The following PM20D2 variants were observed in gnomAD, a reference collection of about 807,000 sequenced individuals.
The protein encoded by PM20D2 is xaa-Arg dipeptidase.
Under a neutral mutation model 42.9 loss-of-function variants are expected in PM20D2, and 33 were observed. The observed-to-expected ratio is 0.77, with a 90% confidence interval of 0.58 to 1.03. PM20D2 has a LOEUF of 1.03. Ranked by LOEUF, PM20D2 falls within the 50% of genes least tolerant of loss-of-function variation. The pLI is 0.00. For synonymous variants in PM20D2, 250 were observed against 228.2 expected, an observed-to-expected ratio of 1.10 and a Z score of -0.86; for missense variants, 548 against 557.0, an observed-to-expected ratio of 0.98 and a Z score of 0.16.
At chr6:89,137,480 A>T in the PM20D2 span, among the ~76,000 whole-genome samples, 1 of 152,236 alleles carries the variant, frequency 6.6e-6, no homozygotes, top group African/African-American at 2.4e-5. Flanking sequence ...ACTACAGTGG[A>T]TGATCCTATC....
At chr6:89,147,094 G>A (rs1770607294) in intron 1 of PM20D2, among the ~76,000 whole-genome samples, 1 of 152,156 alleles carries the variant, frequency 6.6e-6, no homozygotes, top group African/African-American at 2.4e-5. Context: ...TTGGTATTTG[G>A]ATAGGAATTT....
chr6:89,152,058 G>C (rs1770865496), intron 2 of PM20D2, among the ~76,000 whole-genome samples: 1 of 151,798 alleles, frequency 6.6e-6, no homozygotes, highest in South Asian at 2.1e-4. Flanking sequence ...TCACGCCACT[G>C]CACTCCAGCC....
Position 89,158,427 on chromosome 6 carries a change from A to G in PM20D2, c.1015A>G (p.Ile339Val). ...ENGRKLGIEF[I>V]SEDTMLNGPS... ...TGGAAGAAAGCTAGGAATAGAGTTCATTTCAGAAGATACAATGTTGAATGG... is the reference window on the plus strand; with the variant it reads ...TGGAAGAAAGCTAGGAATAGAGTTCGTTTCAGAAGATACAATGTTGAATGG... Residue 339 changes from isoleucine (I) to valine (V), a missense_variant, in exon 5 of 7, where the codon ATT (isoleucine) becomes GTT (valine). Around this residue, in one of 3 missense-constraint regions of PM20D2, gnomAD observed 470 missense variants for 464.4 expected, o/e 1.01. Transcript: ENST00000275072. The G allele has an allele frequency of 6.2e-7, 1 of 1,611,628 alleles. No homozygotes were observed. The highest frequency in any genetic ancestry group is 1.3e-5 in the African/African-American group (1 of 74,832).
upstream of PM20D2, among the ~76,000 whole-genome samples, chr6:89,141,814 T>G (rs1770315505): frequency 6.6e-6 from 1 of 152,060 alleles, no homozygotes; most frequent in Non-Finnish European, 1.5e-5. Context: ...CAAGTTTTAT[T>G]TTACTTTGAG....
chr6:89,146,654 C>T, intron 1 of PM20D2, 45 bp downstream of exon 1: 1 of 1,335,592 alleles, frequency 7.5e-7, no homozygotes, highest in Non-Finnish European at 9.6e-7. Flanking sequence ...CTGCCCGGGT[C>T]GGGGGCGACC....
At chr6:89,132,663 T>TG in the PM20D2 span, among the ~76,000 whole-genome samples, 1 of 150,520 alleles carries the variant, frequency 6.6e-6, no homozygotes, top group Non-Finnish European at 1.5e-5. Flanking sequence ...CTGGCCAACA[T>TG]GGTGAAACCC....
Position 89,146,370 on chromosome 6 carries a change from G to T in PM20D2, c.226G>T (p.Ala76Ser). The change falls in exon 1 of 7, where the codon GCA (alanine) becomes TCA (serine). Residue 76 changes from alanine to serine, a missense_variant. Physicochemically the swap from Ala to Ser is moderately conservative, Grantham distance 99. Coordinates refer to ENST00000275072, the MANE Select transcript of PM20D2 (RefSeq NM_001010853.3). ...FEREPPAASW[A>S]VQPHYQLPTA... ...GCGGGAGCCGCCCGCGGCCTCCTGGGCAGTGCAGCCGCACTACCAGCTGCC... is the reference window on the plus strand; with the variant it reads ...GCGGGAGCCGCCCGCGGCCTCCTGGTCAGTGCAGCCGCACTACCAGCTGCC... 1 of 1,542,896 alleles carries T rather than the reference G, an allele frequency of 6.5e-7. No individual in the cohort carries two copies. Among genetic ancestry groups the T allele is most frequent in the Non-Finnish European group, 8.7e-7 (1 of 1,152,416 alleles).
At chr6:89,105,618 G>A in the PM20D2 span, 2 of 936,950 alleles carry the variant, frequency 2.1e-6, no homozygotes, top group East Asian at 2.8e-5. Context: ...GAAATTAATA[G>A]GAAAATCAAG....
chr6:89,099,431 TATATATATACAC>T, the PM20D2 span, among the ~76,000 whole-genome samples: 2 of 135,256 alleles, frequency 1.5e-5, no homozygotes, highest in African/African-American at 5.4e-5. Flanking sequence ...TATATGTGTG[TATATATATACAC>T]ATATATATGT....
At position 89,146,547 on chromosome 6, in the gene PM20D2, G is replaced by C. The variant is rs1339195375; in HGVS notation, c.403G>C (p.Ala135Pro). The C allele has an allele frequency of 6.7e-7, 1 of 1,499,154 alleles. No individual in the cohort carries two copies. Among genetic ancestry groups the C allele is most frequent in the African/African-American group, 1.5e-5 (1 of 68,764 alleles). 92.9% of individuals were successfully genotyped at this position (1,499,154 alleles called of 1,614,324 possible). A position where few individuals can be genotyped will look rare whatever the true frequency, so the allele number is the denominator to read the frequency against. The change falls in exon 1 of 7, where the codon GCG (alanine) becomes CCG (proline). Residue 135 changes from alanine (A) to proline (P), a missense_variant. Transcript: ENST00000275072. ...CAACCTCATCGCTGAGGTCGGGGCG[G>C]CGGCCGCGCTGGGCGTGAGGGGGGC... Reference protein sequence around the residue: ...GHNLIAEVGAAAALGVRGALE... With the variant: ...GHNLIAEVGAPAALGVRGALE...
Position 89,158,472 on chromosome 6 carries a change from T to G in PM20D2, c.1048+12T>G. ...GAATGGCCCTTCAGGTAATTAAGTGTTTTTTTATATATTGAGCTATTTGAG... is the reference window on the plus strand; with the variant it reads ...GAATGGCCCTTCAGGTAATTAAGTGGTTTTTTATATATTGAGCTATTTGAG... On this transcript the variant is annotated intron_variant, in intron 5 of 6. Coordinates refer to ENST00000275072, the MANE Select transcript of PM20D2 (RefSeq NM_001010853.3). The G allele has an allele frequency of 6.6e-7, 1 of 1,514,902 alleles. No homozygotes were observed. The highest frequency in any genetic ancestry group is 2.3e-5 in the African/African-American group (1 of 42,680). 93.8% of individuals were successfully genotyped at this position (1,514,902 alleles called of 1,614,324 possible). A position where few individuals can be genotyped will look rare whatever the true frequency, so the allele number is the denominator to read the frequency against.
chr6:89,120,636 G>A, the PM20D2 span, among the ~76,000 whole-genome samples: 1 of 151,978 alleles, frequency 6.6e-6, no homozygotes. Flanking sequence ...GGCCAAGTTG[G>A]GAAGATTGCT....
chr6:89,163,328 C>T lies in PM20D2; in HGVS notation c.*1065C>T, dbSNP rs193119174. 2.6e-5 allele frequency: 4 copies of T among 152,172 alleles called. No individual in the cohort carries two copies. The highest frequency in any genetic ancestry group is 9.6e-5 in the African/African-American group (4 of 41,514). The allele number at this position is 152,172 out of a possible 1,614,324, so 9.4% of individuals were successfully genotyped here. A position where few individuals can be genotyped will look rare whatever the true frequency, so the allele number is the denominator to read the frequency against. On this transcript the variant is annotated 3_prime_UTR_variant, in exon 7 of 7. Transcript: ENST00000275072. ...TTTGCTTCAGGTACACATAAGAAAA[C>T]CTCTTTTTTAAAAAAATTTTTATTT...
the PM20D2 span, among the ~76,000 whole-genome samples, chr6:89,111,327 C>T: frequency 6.6e-6 from 1 of 152,122 alleles, no homozygotes; most frequent in Admixed American, 6.5e-5. Flanking sequence ...TAAAATTCCT[C>T]TTGAAAATAT....
At chr6:89,134,726 C>T in the PM20D2 span, among the ~76,000 whole-genome samples, 1 of 151,132 alleles carries the variant, frequency 6.6e-6, no homozygotes, top group Non-Finnish European at 1.5e-5. Context: ...GATACTCTCT[C>T]AGGTGGGGTT....
At chr6:89,111,989 A>AC in the PM20D2 span, among the ~76,000 whole-genome samples, 26 of 152,332 alleles carry the variant, frequency 1.7e-4, no homozygotes, top group Non-Finnish European at 3.4e-4. Context: ...TCACCAGTGA[A>AC]AAGAAACATA....
intron 2 of PM20D2, among the ~76,000 whole-genome samples, chr6:89,151,419 A>G (rs998079919): frequency 2.6e-5 from 4 of 151,900 alleles, no homozygotes; most frequent in African/African-American, 9.7e-5. Context: ...TAGTAGAGAC[A>G]GGGTCACCAT....
intron 2 of PM20D2, among the ~76,000 whole-genome samples, chr6:89,150,531 C>CTTTTTTT (rs753768538): frequency 3.4e-5 from 2 of 59,424 alleles, no homozygotes; most frequent in African/African-American, 7.0e-5. Context: ...CTGATCATCT[C>CTTTTTTT]TTTTTTTTTT....
chr6:89,146,070 C>T lies in PM20D2; in HGVS notation c.-75C>T, dbSNP rs1427264058. ...CGCCGGGGTCCTGGAGGCCTCTGGG[C>T]GCGTGCGCGGGCGGTCGCTACCTGC... On this transcript the variant is annotated 5_prime_UTR_variant, in exon 1 of 7. Coordinates refer to ENST00000275072, the MANE Select transcript of PM20D2 (RefSeq NM_001010853.3). 3.1e-6 allele frequency: 4 copies of T among 1,285,010 alleles called. No individual in the cohort carries two copies. Among genetic ancestry groups the T allele is most frequent in the South Asian group, 1.9e-5 (1 of 52,338 alleles). 79.6% of individuals were successfully genotyped at this position (1,285,010 alleles called of 1,614,324 possible).
Sources: gnomAD v4.1 joint callset for allele counts (sites outside exome capture counted in the v4.1 genomes callset) on GRCh38, gnomAD v4.1.1 for gene constraint, gnomAD v4.1.1 regional missense constraint, MANE v1.5 for transcripts, NCBI Gene and HGNC (gene_info 2026-07-23, HGNC 2026-07-21) for gene names.